MYT1L: variants seen among roughly 807,000 people sequenced by gnomAD.
MYT1L encodes myelin transcription factor 1-like protein.
In MYT1L, 12 loss-of-function variants were observed where a neutral mutation model predicts 126.7. That is an observed-to-expected ratio of 0.09 (90% CI 0.06 to 0.15). The LOEUF (loss-of-function observed/expected upper bound fraction) is 0.15, where lower values mean the gene tolerates loss of function less well. Ranked by LOEUF, MYT1L falls within the 10% of genes least tolerant of loss-of-function variation. The pLI is 1.00. For synonymous variants in MYT1L, 541 were observed against 604.2 expected (o/e 0.90, Z 1.53); for missense variants, 979 against 1,585.2 (o/e 0.62, Z 6.49).
chr2:2,212,275 T>C (rs1182204395), intron 2 of MYT1L, among the ~76,000 whole-genome samples: 1 of 143,404 alleles, frequency 7.0e-6, no homozygotes, highest in Non-Finnish European at 1.5e-5. Flanking sequence ...ATATTCAAAC[T>C]CCCCCAGGAT....
chr2:2,050,706 G>C (rs1184136817), intron 4 of MYT1L, among the ~76,000 whole-genome samples: 1 of 152,180 alleles, frequency 6.6e-6, no homozygotes, highest in Non-Finnish European at 1.5e-5. Flanking sequence ...ATGACACATG[G>C]TAGGGGGAGC....
chr2:2,291,125 T>G (rs926469371), intron 1 of MYT1L, among the ~76,000 whole-genome samples: 5 of 151,684 alleles, frequency 3.3e-5, no homozygotes, highest in African/African-American at 1.2e-4. Context: ...AGAGCAACAT[T>G]AAATTCTCCT....
At chr2:1,902,527 G>A (rs1032210959) in intron 14 of MYT1L, among the ~76,000 whole-genome samples, 2 of 152,236 alleles carry the variant, frequency 1.3e-5, no homozygotes, top group East Asian at 3.9e-4. Context: ...GGGTGCCGTA[G>A]TGTCGTGCAG....
intron 8 of MYT1L, among the ~76,000 whole-genome samples, chr2:1,977,774 G>A (rs182002211): frequency 1.3e-4 from 20 of 152,100 alleles, no homozygotes; most frequent in Admixed American, 1.2e-3. Flanking sequence ...AGATGATTAG[G>A]GGAAAATGAA....
intron 2 of MYT1L, among the ~76,000 whole-genome samples, chr2:2,198,130 G>A (rs1439821663): frequency 6.6e-6 from 1 of 152,072 alleles, no homozygotes; most frequent in Middle Eastern, 3.2e-3. Flanking sequence ...GATGAACCTG[G>A]AGGTCATAAT....
chr2:2,216,751 G>A (rs967670295), intron 2 of MYT1L, among the ~76,000 whole-genome samples: 6 of 152,068 alleles, frequency 3.9e-5, no homozygotes, highest in African/African-American at 1.4e-4. Flanking sequence ...AGGTCAATCA[G>A]AGTGGGAAAT....
intron 3 of MYT1L, among the ~76,000 whole-genome samples, chr2:2,079,516 C>T (rs148911291): frequency 1.3e-5 from 2 of 152,252 alleles, no homozygotes; most frequent in Admixed American, 1.3e-4. Flanking sequence ...TATAAGAAAA[C>T]AAATCTTGGC....
chr2:2,194,331 G>T (rs1355458856), intron 2 of MYT1L, among the ~76,000 whole-genome samples: 1 of 152,174 alleles, frequency 6.6e-6, no homozygotes, highest in Admixed American at 6.5e-5. Flanking sequence ...CTCCCAAAAT[G>T]CTGGGATTAT....
rs149197574 is a variant in MYT1L at position 2,124,377 on chromosome 2, C to T, written c.-304+48495G>A. Among the ~76,000 whole-genome samples the T allele has an allele frequency of 4.0e-3, 610 of 152,164 alleles. 4 individuals are homozygous for T. The highest frequency in any genetic ancestry group is 0.014 in the African/African-American group (582 of 41,518). On this transcript the variant is annotated intron_variant, in intron 3 of 24. Transcript: ENST00000647738. Reference sequence around the variant, plus strand: ...ATGGTGCAACCTCAGCTCACTGCAACCTCTGCCTCCTGGGCTAAAGTGATT... The same window carrying T: ...ATGGTGCAACCTCAGCTCACTGCAATCTCTGCCTCCTGGGCTAAAGTGATT...
intron 2 of MYT1L, among the ~76,000 whole-genome samples, chr2:2,215,858 G>T (rs1448640927): frequency 2.0e-5 from 3 of 152,078 alleles, no homozygotes; most frequent in Non-Finnish European, 4.4e-5. Flanking sequence ...ATGTTGAATT[G>T]CATTCCCCAG....
intron 2 of MYT1L, among the ~76,000 whole-genome samples, chr2:2,202,115 C>T (rs548648155): frequency 7.6e-4 from 116 of 152,052 alleles, no homozygotes; most frequent in African/African-American, 2.7e-3. Flanking sequence ...GGGACACATT[C>T]AAAGCAGTGT....
At chr2:2,057,506 G>T (rs1317128400) in intron 3 of MYT1L, among the ~76,000 whole-genome samples, 1 of 151,230 alleles carries the variant, frequency 6.6e-6, no homozygotes, top group African/African-American at 2.4e-5. Flanking sequence ...TAATAGCCAC[G>T]CCCACTTCTG....
chr2:1,867,271 T>C (rs900125905), intron 18 of MYT1L, among the ~76,000 whole-genome samples: 1 of 151,746 alleles, frequency 6.6e-6, no homozygotes, highest in African/African-American at 2.4e-5. Context: ...TTGCTGGAAA[T>C]GAACCGAGGG....
chr2:2,082,931 A>C lies in MYT1L; in HGVS notation c.-303-28808T>G, dbSNP rs1558955398. 2.0e-5 allele frequency among the ~76,000 whole-genome samples: 3 copies of C among 152,140 alleles called. No individual in the cohort carries two copies. In the South Asian group the frequency reaches 6.2e-4, roughly 32 times the overall value. On this transcript the variant is annotated intron_variant, in intron 3 of 24. Transcript: ENST00000647738. ...ATCAGGCAGATGCTGGCATCTTGTA[A>C]GCCAACCCTGCTCTCTCCTCCCAAT...
At position 1,790,501 on chromosome 2, in the gene MYT1L, A is replaced by C. The variant is rs2031876813; in HGVS notation, c.*1366T>G. ...CTAAGATGATCTAGTTTAAAGCAAA[A>C]AAGTGCTGAAGTATATTTAGTTACT... is the stretch of plus-strand genomic sequence containing the variant. On this transcript the variant is annotated 3_prime_UTR_variant, in exon 25 of 25. Transcript: ENST00000647738. The C allele has an allele frequency of 6.6e-6, 1 of 152,392 alleles. No individual in the cohort carries two copies. Among genetic ancestry groups the C allele is most frequent in the Middle Eastern group, 3.4e-3 (1 of 294 alleles). 9.4% of individuals were successfully genotyped at this position (152,392 alleles called of 1,614,324 possible). A position where few individuals can be genotyped will look rare whatever the true frequency, so the allele number is the denominator to read the frequency against.
At chr2:2,008,008 T>C (rs571801062) in intron 4 of MYT1L, among the ~76,000 whole-genome samples, 137 of 152,290 alleles carry the variant, frequency 9.0e-4, no homozygotes, top group Non-Finnish European at 1.5e-3. Context: ...AGAGAGCATC[T>C]CTATAGTAGA....
At chr2:1,961,134 C>T (rs10185662) in intron 8 of MYT1L, among the ~76,000 whole-genome samples, 43,768 of 152,066 alleles carry the variant, frequency 0.29, 7,481 homozygotes, top group African/African-American at 0.48. Context: ...CATTTCAAAC[C>T]TGGCTGTATG....
chr2:2,026,733 G>A (rs1261196126), intron 4 of MYT1L, among the ~76,000 whole-genome samples: 1 of 152,134 alleles, frequency 6.6e-6, no homozygotes, highest in African/African-American at 2.4e-5. Flanking sequence ...CCAGGGCGGG[G>A]CCCGCTCCTC....
intron 3 of MYT1L, among the ~76,000 whole-genome samples, chr2:2,113,092 T>C (rs930016335): frequency 6.6e-6 from 1 of 152,166 alleles, no homozygotes; most frequent in Non-Finnish European, 1.5e-5. Context: ...GTCTCCTGGC[T>C]GGGAGAAGAA....
Sources: gnomAD v4.1 joint callset for allele counts (sites outside exome capture counted in the v4.1 genomes callset) on GRCh38, gnomAD v4.1.1 for gene constraint, MANE v1.5 for transcripts, NCBI Gene and HGNC (gene_info 2026-07-23, HGNC 2026-07-21) for gene names.